Variants in HMCN1 observed in about 807,000 individuals in gnomAD.
The protein encoded by HMCN1 is hemicentin-1.
In HMCN1, 321 loss-of-function variants were observed where a neutral mutation model predicts 625.9. The ratio of observed to expected loss-of-function variants is 0.51; its 90% CI spans 0.47 to 0.56. The LOEUF is 0.56. HMCN1 is among the 20% of genes least tolerant of loss of function. HMCN1 has a pLI of 0.00. For missense variants in HMCN1, 6,588 were observed against 6,887.3 expected (o/e 0.96, Z 1.54); for synonymous variants, 2,425 against 2,417.6 (o/e 1.00, Z -0.09).
At chr1:185,946,341 A>G (rs1004602108) in intron 11 of HMCN1, among the ~76,000 whole-genome samples, 1 of 152,148 alleles carries the variant, frequency 6.6e-6, no homozygotes, top group Non-Finnish European at 1.5e-5. Context: ...TTTGAGCACT[A>G]TAACCAACTT....
At chr1:185,808,383 G>A (rs1659306509) in intron 1 of HMCN1, among the ~76,000 whole-genome samples, 1 of 151,816 alleles carries the variant, frequency 6.6e-6, no homozygotes, top group South Asian at 2.1e-4. Flanking sequence ...AGTAAAAATG[G>A]TGGTGCATGC....
chr1:186,152,670 T>TG (rs1205522248), intron 95 of HMCN1, 80 bp from the exon 96 acceptor site: 2 of 1,556,750 alleles, frequency 1.3e-6, no homozygotes, highest in Non-Finnish European at 1.8e-6. Flanking sequence ...ATAGCTGAAC[T>TG]GGTATGTAAG....
chr1:186,072,110 T>C (rs1323234000), intron 52 of HMCN1, among the ~76,000 whole-genome samples: 2 of 152,214 alleles, frequency 1.3e-5, no homozygotes, highest in African/African-American at 4.8e-5. Context: ...GGGTTTGCAA[T>C]TGGTCTCCTA....
At chr1:185,932,262 T>G (rs1044442444) in intron 10 of HMCN1, among the ~76,000 whole-genome samples, 1 of 152,190 alleles carries the variant, frequency 6.6e-6, no homozygotes, top group Non-Finnish European at 1.5e-5. Context: ...AGAAATAGCT[T>G]GGAAAACAAT....
intron 40 of HMCN1, among the ~76,000 whole-genome samples, chr1:186,043,533 A>G (rs1417699454): frequency 6.6e-6 from 1 of 152,200 alleles, no homozygotes; most frequent in Admixed American, 6.5e-5. Flanking sequence ...TTGGAAATGA[A>G]TTAGCATTCT....
chr1:186,096,658 C>A (rs1047193520), intron 68 of HMCN1, among the ~76,000 whole-genome samples: 1 of 152,068 alleles, frequency 6.6e-6, no homozygotes, highest in African/African-American at 2.4e-5. Context: ...AAAATACTAG[C>A]AAACCAAATT....
chr1:185,928,586 TTGTC>T lies in HMCN1; in HGVS notation c.1474_1477del (p.Ser492ThrfsTer47), dbSNP rs1667390801. The T allele has an allele frequency of 1.2e-6, 2 of 1,613,408 alleles. No homozygotes were observed. The highest frequency in any genetic ancestry group is 3.3e-5 in the Admixed American group (2 of 59,994). ...GAACTTAGATATTGCAAAGGTCACT[TTGTC>T]TGACGAAGGTTTCTATGAATGCATT... On this transcript the variant is annotated frameshift_variant, in exon 10 of 107. Transcript: ENST00000271588. LOFTEE classifies it high-confidence loss of function.
intron 99 of HMCN1, 140 bp from the exon 100 acceptor site, chr1:186,166,668 C>T: frequency 1.7e-6 from 2 of 1,179,940 alleles, no homozygotes; most frequent in African/African-American, 3.0e-5. Context: ...CCTGATGTGA[C>T]TCAACCAAAA....
chr1:185,735,489 C>G (rs1027568515), intron 1 of HMCN1, among the ~76,000 whole-genome samples: 6 of 152,172 alleles, frequency 3.9e-5, no homozygotes, highest in African/African-American at 1.4e-4. Flanking sequence ...GGGGAAAAAA[C>G]CTGTTGTGTG....
At chr1:186,086,637 A>T (rs542711044) in intron 58 of HMCN1, among the ~76,000 whole-genome samples, 1 of 152,254 alleles carries the variant, frequency 6.6e-6, no homozygotes, top group South Asian at 2.1e-4. Context: ...GATAAAATTT[A>T]GAAAGAGAAC....
In HMCN1 at chr1:186,086,247, TC is replaced by T; in HGVS notation, c.8888del (p.Pro2963LeufsTer16). On this transcript the variant is annotated frameshift_variant and splice_region_variant, in exon 58 of 107. Transcript: ENST00000271588. LOFTEE classifies it high-confidence loss of function. Reference protein sequence around the residue: ...KKYFNLNVHVPPSVIGPKSEN... With the variant: ...KKYFNLNVHVXPSVIGPKSEN... ...CTTTTAATATATTTACTATTATAGT[TC>T]CTCCAAGTGTCATTGGTCCTAAATC... The T allele has an allele frequency of 6.2e-7, 1 of 1,609,446 alleles. No homozygotes were observed. Among genetic ancestry groups the T allele is most frequent in the South Asian group, 1.1e-5 (1 of 90,996 alleles).
chr1:185,909,068 C>T (rs1433374224), intron 4 of HMCN1, among the ~76,000 whole-genome samples: 1 of 152,026 alleles, frequency 6.6e-6, no homozygotes, highest in Non-Finnish European at 1.5e-5. Flanking sequence ...TGTCTCCCCT[C>T]ACTGGTTTTG....
chr1:186,130,772 G>C (rs1661894398), intron 85 of HMCN1, 75 bp downstream of exon 85: 2 of 1,246,440 alleles, frequency 1.6e-6, no homozygotes, highest in South Asian at 2.4e-5. Flanking sequence ...CCATAGATAA[G>C]AAACATTTCT....
At chr1:185,813,836 G>A (rs1303796319) in intron 1 of HMCN1, among the ~76,000 whole-genome samples, 2 of 151,946 alleles carry the variant, frequency 1.3e-5, no homozygotes, top group East Asian at 1.9e-4. Flanking sequence ...TACCTTAAAC[G>A]TATGCTAACA....
At chr1:185,822,247 A>G (rs1050499541) in intron 1 of HMCN1, among the ~76,000 whole-genome samples, 1 of 152,156 alleles carries the variant, frequency 6.6e-6, no homozygotes, top group African/African-American at 2.4e-5. Flanking sequence ...ATCAGTTGTA[A>G]CAAATGTACC....
Position 185,909,319 on chromosome 1 carries a change from T to C in HMCN1, c.622-18T>C. The C allele has an allele frequency of 6.3e-7, 1 of 1,598,090 alleles. No individual in the cohort carries two copies. The highest frequency in any genetic ancestry group is 8.6e-7 in the Non-Finnish European group (1 of 1,165,816). On this transcript the variant is annotated intron_variant, in intron 4 of 106. Transcript: ENST00000271588. ...AATGTTTTCTGATATCACTTACACT[T>C]CTCTTTCTCTCTTATAGGTATTAAA...
chr1:186,014,874 G>C (rs1465150954), intron 30 of HMCN1, among the ~76,000 whole-genome samples: 1 of 151,842 alleles, frequency 6.6e-6, no homozygotes, highest in Admixed American at 6.6e-5. Flanking sequence ...TTGCTTTGTT[G>C]GTTAAACATA....
chr1:185,872,910 A>C (rs750802861), intron 4 of HMCN1, among the ~76,000 whole-genome samples: 45 of 152,166 alleles, frequency 3.0e-4, no homozygotes, highest in African/African-American at 1.1e-3. Flanking sequence ...TCTGATCCCT[A>C]GTATAAAATT....
chr1:186,052,869 A>T (rs1294683799), intron 42 of HMCN1, 83 bp from the exon 43 acceptor site: 217 of 1,167,678 alleles, frequency 1.9e-4, no homozygotes, highest in Non-Finnish European at 5.4e-5. Context: ...TCATTTGAGT[A>T]GAAGCCTTTT....
Sources: gnomAD v4.1 joint callset for allele counts (sites outside exome capture counted in the v4.1 genomes callset) on GRCh38, gnomAD v4.1.1 for gene constraint, MANE v1.5 for transcripts, NCBI Gene and HGNC (gene_info 2026-07-23, HGNC 2026-07-21) for gene names.